SLC16A2: variants seen among roughly 807,000 people sequenced by gnomAD.
SLC16A2 encodes solute carrier family 16 member 2.
A neutral mutation model predicts 27.2 loss-of-function variants in SLC16A2; 3 were observed. The ratio of observed to expected loss-of-function variants is 0.11; its 90% CI spans 0.05 to 0.28. SLC16A2 has a LOEUF of 0.28. SLC16A2 is among the 10% of genes least tolerant of loss of function. SLC16A2 has a pLI of 1.00. For missense variants in SLC16A2, 295 were observed against 458.5 expected, an observed-to-expected ratio of 0.64 and a Z score of 3.26; for synonymous variants, 202 against 187.8, an observed-to-expected ratio of 1.08 and a Z score of -0.62.
rs987276202 is a variant in SLC16A2 at position 74,442,031 on chromosome X, C to T, written c.430+19964C>T. Among the ~76,000 whole-genome samples the T allele has an allele frequency of 7.3e-5, 8 of 109,356 alleles. No homozygotes were observed. The East Asian group carries it at 2.3e-3, about 31-fold the overall frequency. The allele number at this position is 109,356 out of a possible 115,157, so 95.0% of individuals were successfully genotyped here. ...ATCACCTGAGGTTGGGAGTTGAAGACCAGCCTGACCAACATGGAGGAACCC... is the reference window on the plus strand; with the variant it reads ...ATCACCTGAGGTTGGGAGTTGAAGATCAGCCTGACCAACATGGAGGAACCC... On this transcript the variant is annotated intron_variant, in intron 1 of 5. Coordinates refer to ENST00000587091, the MANE Select transcript of SLC16A2 (RefSeq NM_006517.5).
At chrX:74,504,849 G>A (rs1384710655) in intron 1 of SLC16A2, among the ~76,000 whole-genome samples, 5 of 111,502 alleles carry the variant, frequency 4.5e-5, no homozygotes, top group Admixed American at 9.5e-5. Context: ...AAAATTAGCG[G>A]AGTGTAATGG....
Position 74,432,036 on chromosome X carries a change from T to C in SLC16A2, c.430+9969T>C, listed in dbSNP as rs1432268389. Among the ~76,000 whole-genome samples, 4 of 111,561 alleles carry C rather than the reference T, an allele frequency of 3.6e-5. No individual in the cohort carries two copies. In the East Asian group the frequency reaches 1.1e-3, roughly 31 times the overall value. On this transcript the variant is annotated intron_variant, in intron 1 of 5. Coordinates refer to ENST00000587091, the MANE Select transcript of SLC16A2 (RefSeq NM_006517.5). ...AGAGGAGGGGCCAGATCCTAGGTCA[T>C]ATACATTCAAGGAAGCAAGGCATGT... is the stretch of plus-strand genomic sequence containing the variant.
intron 1 of SLC16A2, among the ~76,000 whole-genome samples, chrX:74,478,136 G>A (rs1929526069): frequency 9.0e-6 from 1 of 111,647 alleles, no homozygotes; most frequent in African/African-American, 3.3e-5. Flanking sequence ...CTCTTTGTAG[G>A]TCTCTAAGGA....
intron 1 of SLC16A2, among the ~76,000 whole-genome samples, chrX:74,511,281 G>A (rs1013036105): frequency 4.5e-5 from 5 of 110,262 alleles, no homozygotes; most frequent in East Asian, 5.8e-4. Context: ...TCCCAGGTTC[G>A]CGCCATTCTC....
chrX:74,517,250 G>A (rs1930329983), intron 1 of SLC16A2, among the ~76,000 whole-genome samples: 1 of 111,911 alleles, frequency 8.9e-6, no homozygotes, highest in South Asian at 3.7e-4. Context: ...TATTTCCTGT[G>A]AATCTATAGT....
intron 1 of SLC16A2, among the ~76,000 whole-genome samples, chrX:74,479,691 T>G (rs1390643325): frequency 1.8e-5 from 2 of 112,597 alleles, no homozygotes; most frequent in African/African-American, 6.5e-5. Context: ...TTTGTTAGTT[T>G]TCCTTCTAAC....
chrX:74,438,365 C>T (rs1488296661), intron 1 of SLC16A2, among the ~76,000 whole-genome samples: 2 of 113,023 alleles, frequency 1.8e-5, no homozygotes, highest in African/African-American at 6.4e-5. Flanking sequence ...ATCATGATTA[C>T]CACATACATA....
At chrX:74,433,427 G>A (rs930906658) in intron 1 of SLC16A2, among the ~76,000 whole-genome samples, 3 of 109,324 alleles carry the variant, frequency 2.7e-5, no homozygotes, top group East Asian at 2.9e-4. Context: ...ATTATGTGGC[G>A]CTGAGGCTTG....
intron 1 of SLC16A2, among the ~76,000 whole-genome samples, chrX:74,479,740 G>A (rs768946712): frequency 1.7e-3 from 187 of 112,127 alleles, no homozygotes; most frequent in Admixed American, 4.4e-3. Flanking sequence ...GGAGTTTGCC[G>A]GAGGTCCACT....
chrX:74,528,031 A>G (rs1930511607), intron 4 of SLC16A2, among the ~76,000 whole-genome samples: 1 of 112,229 alleles, frequency 8.9e-6, no homozygotes, highest in African/African-American at 3.2e-5. Flanking sequence ...CCAAAAATCA[A>G]CTGATCAACC....
At chrX:74,475,368 T>C (rs1929451175) in intron 1 of SLC16A2, among the ~76,000 whole-genome samples, 1 of 109,997 alleles carries the variant, frequency 9.1e-6, no homozygotes, top group South Asian at 4.0e-4. Context: ...TCATTGTAGA[T>C]TCTGGATATT....
At chrX:74,455,789 G>T (rs1029373423) in intron 1 of SLC16A2, among the ~76,000 whole-genome samples, 2 of 111,810 alleles carry the variant, frequency 1.8e-5, no homozygotes, top group African/African-American at 6.5e-5. Flanking sequence ...AGGAGAGCCT[G>T]CAGTGGCAAG....
intron 1 of SLC16A2, among the ~76,000 whole-genome samples, chrX:74,433,678 C>T (rs1277732505): frequency 2.7e-5 from 3 of 112,025 alleles, no homozygotes; most frequent in African/African-American, 9.7e-5. Context: ...ATACTTCGAA[C>T]TATATCTTGG....
chrX:74,506,929 ATTTATTTAT>A (rs1930141014), intron 1 of SLC16A2, among the ~76,000 whole-genome samples: 1 of 29,472 alleles, frequency 3.4e-5, no homozygotes, highest in African/African-American at 6.2e-5. Context: ...TTATTTATTT[ATTTATTTAT>A]TTTTTTTTTT....
chrX:74,470,150 C>A (rs1321271813), intron 1 of SLC16A2, among the ~76,000 whole-genome samples: 1 of 111,931 alleles, frequency 8.9e-6, no homozygotes, highest in Non-Finnish European at 1.9e-5. Context: ...GGCCTGATAG[C>A]CAATTTCTTT....
intron 1 of SLC16A2, among the ~76,000 whole-genome samples, chrX:74,476,252 G>T (rs1425124358): frequency 1.8e-5 from 2 of 111,778 alleles, no homozygotes; most frequent in Non-Finnish European, 3.8e-5. Context: ...AATTGTGAAT[G>T]GGAGTTCACT....
chrX:74,479,468 G>C (rs4319247), intron 1 of SLC16A2, among the ~76,000 whole-genome samples: 1 of 111,215 alleles, frequency 9.0e-6, no homozygotes, highest in African/African-American at 3.3e-5. Context: ...TCTTCTGAAG[G>C]CTTCTTCTCT....
chrX:74,484,400 G>A (rs985892611), intron 1 of SLC16A2, among the ~76,000 whole-genome samples: 2 of 112,262 alleles, frequency 1.8e-5, no homozygotes, highest in Non-Finnish European at 3.8e-5. Context: ...AAGAACCTGG[G>A]ATCAATAGAA....
intron 1 of SLC16A2, among the ~76,000 whole-genome samples, chrX:74,471,964 G>T (rs1332044555): frequency 8.9e-6 from 1 of 112,019 alleles, no homozygotes; most frequent in African/African-American, 3.2e-5. Context: ...CACCTATGTT[G>T]TAGCATGTGT....
Sources: gnomAD v4.1 joint callset for allele counts (sites outside exome capture counted in the v4.1 genomes callset) on GRCh38, gnomAD v4.1.1 for gene constraint, MANE v1.5 for transcripts, NCBI Gene and HGNC (gene_info 2026-07-23, HGNC 2026-07-21) for gene names.